Variants in CRHR2 observed in about 807,000 individuals in gnomAD.
CRHR2 encodes the protein corticotropin-releasing hormone receptor 2.
In CRHR2, 53 loss-of-function variants were observed where a neutral mutation model predicts 57.9. That is an observed-to-expected ratio of 0.92 (90% CI 0.73 to 1.15). The LOEUF is 1.15. CRHR2 is among the 50% of genes most tolerant of loss of function. The pLI, the probability that CRHR2 is intolerant of heterozygous loss-of-function variation, is 0.00. For synonymous variants in CRHR2, 213 were observed against 220.9 expected (o/e 0.96, Z 0.32); for missense variants, 532 against 542.6 (o/e 0.98, Z 0.19).
intron 2 of CRHR2, among the ~76,000 whole-genome samples, chr7:30,677,778 A>G (rs940181623): frequency 2.0e-5 from 3 of 152,040 alleles, no homozygotes; most frequent in Non-Finnish European, 4.4e-5. Context: ...GAAGCTTAAG[A>G]CTCCAGGTTG....
At chr7:30,655,760 A>G (rs764317327) in intron 9 of CRHR2, 45 bp from the exon 10 acceptor site, 2 of 1,601,322 alleles carry the variant, frequency 1.2e-6, no homozygotes, top group Non-Finnish European at 1.7e-6. Context: ...TGCGGCAGGC[A>G]GGGCCTCACC....
chr7:30,657,477 G>T (rs1425957289), intron 8 of CRHR2, among the ~76,000 whole-genome samples: 2 of 152,150 alleles, frequency 1.3e-5, no homozygotes, highest in African/African-American at 4.8e-5. Context: ...TATTCCCCTG[G>T]ATCATGGGAC....
intron 10 of CRHR2, 122 bp from the exon 11 acceptor site, chr7:30,655,202 T>G (rs1783736155): frequency 9.0e-7 from 1 of 1,116,268 alleles, no homozygotes; most frequent in African/African-American, 1.6e-5. Flanking sequence ...ACCCCTGGAG[T>G]CAGAGCTGGG....
upstream of CRHR2, among the ~76,000 whole-genome samples, chr7:30,687,108 T>C (rs376379421): frequency 6.6e-4 from 100 of 152,314 alleles, no homozygotes; most frequent in South Asian, 0.02. Flanking sequence ...CACAGGTATG[T>C]ACATCTAAAA....
At chr7:30,669,084 C>T (rs190970758) in intron 2 of CRHR2, among the ~76,000 whole-genome samples, 2 of 152,176 alleles carry the variant, frequency 1.3e-5, no homozygotes, top group African/African-American at 4.8e-5. Context: ...AACAGTCCCT[C>T]CCTGATGGGG....
rs541183946 is a variant in CRHR2 at position 30,656,836 on chromosome 7, G to C, written c.832-824C>G. 1.3e-5 allele frequency among the ~76,000 whole-genome samples: 2 copies of C among 152,232 alleles called. No homozygotes were observed. Among genetic ancestry groups the C allele is most frequent in the East Asian group, 3.9e-4 (2 of 5,174 alleles). On this transcript the variant is annotated intron_variant, in intron 8 of 11. Transcript: ENST00000471646. This position sits in a 1 kb window ranked among gnomAD's most constrained non-coding sequence, Gnocchi z 4.4. ...CTGGGAGCTGCAGTGTGGGTCTGTG[G>C]GTCTATCCTTTAAGCACTTGTGCAA...
intron 2 of CRHR2, 100 bp downstream of exon 2, chr7:30,681,815 C>T: frequency 6.9e-7 from 1 of 1,454,574 alleles, no homozygotes; most frequent in Non-Finnish European, 9.0e-7. Flanking sequence ...CCGCGGCCGT[C>T]AGCAGCTTTG....
At chr7:30,691,476 G>A (rs753456554) in intron 1 of CRHR2, among the ~76,000 whole-genome samples, 40 of 152,326 alleles carry the variant, frequency 2.6e-4, no homozygotes, top group African/African-American at 9.4e-4. Context: ...TTGAACCCAT[G>A]ATGGGGTCAG....
rs78819491 is a variant in CRHR2, at chr7:30,663,480, G to C, written c.544-633C>G. Among the ~76,000 whole-genome samples the C allele has an allele frequency of 9.0e-4, 137 of 152,320 alleles. 3 individuals carry two copies. The East Asian group carries it at 0.025, about 28-fold the overall frequency. On this transcript the variant is annotated intron_variant, in intron 5 of 11. Coordinates refer to ENST00000471646, the MANE Select transcript of CRHR2 (RefSeq NM_001883.5). The stretch of plus-strand genomic sequence containing the variant: ...TCAAAAAGTAACCCTGCCTTCCAGG[G>C]TGGTTGAAGGAGATAGAGGATGGCA...
chr7:30,667,897 T>C (rs1053334083), intron 2 of CRHR2, among the ~76,000 whole-genome samples: 1 of 152,178 alleles, frequency 6.6e-6, no homozygotes, highest in Non-Finnish European at 1.5e-5. Flanking sequence ...TGGCCAAGGA[T>C]ACAAAGATGA....
intron 1 of CRHR2, among the ~76,000 whole-genome samples, chr7:30,689,806 C>T (rs1784925668): frequency 6.6e-6 from 1 of 152,192 alleles, no homozygotes; most frequent in African/African-American, 2.4e-5. Flanking sequence ...CCCTGTCACA[C>T]AGGTAAGCAG....
At chr7:30,696,063 G>T (rs149484974) in intron 1 of CRHR2, among the ~76,000 whole-genome samples, 2 of 152,144 alleles carry the variant, frequency 1.3e-5, no homozygotes, top group Non-Finnish European at 2.9e-5. Context: ...GACAAACATC[G>T]CATGTTATCA....
intron 11 of CRHR2, chr7:30,654,597 C>T (rs3779251): frequency 9.3e-5 from 123 of 1,327,386 alleles, no homozygotes; most frequent in Non-Finnish European, 1.1e-4. Context: ...GCTTCACGGC[C>T]GCCTGACTCC....
intron 2 of CRHR2, among the ~76,000 whole-genome samples, chr7:30,675,226 C>T (rs1191979964): frequency 6.6e-6 from 1 of 152,188 alleles, no homozygotes; most frequent in Non-Finnish European, 1.5e-5. Context: ...TACCTGGGGC[C>T]CAGCCAAGAA....
chr7:30,689,254 G>A (rs1784912614), exon 2 of CRHR2: 1 of 1,550,368 alleles, frequency 6.5e-7, no homozygotes, highest in South Asian at 1.2e-5. Flanking sequence ...CACAGGGGCT[G>A]GTCTTTGGGC....
At chr7:30,663,386 T>G (rs1408467509) in intron 5 of CRHR2, among the ~76,000 whole-genome samples, 1 of 152,086 alleles carries the variant, frequency 6.6e-6, no homozygotes, top group Non-Finnish European at 1.5e-5. Flanking sequence ...TTGGCACAAT[T>G]ATTACTAGCT....
At position 30,665,727 on chromosome 7, in the gene CRHR2, C is replaced by A; in HGVS notation, c.316-88G>T. ...TTCCAGCCGTGGCCACCTCTGTGTC[C>A]TGACCTTGGGGGCAGAAGTGCTCCA... is the stretch of plus-strand genomic sequence containing the variant. On this transcript the variant is annotated intron_variant, in intron 3 of 11. Coordinates refer to ENST00000471646, the MANE Select transcript of CRHR2 (RefSeq NM_001883.5). This position sits in a 1 kb window ranked among gnomAD's most constrained non-coding sequence, Gnocchi z 4.5. 8.8e-7 allele frequency: 1 copy of A among 1,133,184 alleles called. No individual in the cohort carries two copies. The allele number at this position is 1,133,184 out of a possible 1,614,324, so 70.2% of individuals were successfully genotyped here.
intron 2 of CRHR2, among the ~76,000 whole-genome samples, chr7:30,678,857 T>C (rs1784605246): frequency 6.6e-6 from 1 of 152,174 alleles, no homozygotes. Flanking sequence ...CAGCCTGCGG[T>C]CTACCTGGGT....
In CRHR2 at chr7:30,653,628, CT is replaced by C. The variant is rs1226757706; in HGVS notation, c.1096-29del. On this transcript the variant is annotated intron_variant, in intron 11 of 11. Coordinates refer to ENST00000471646, the MANE Select transcript of CRHR2 (RefSeq NM_001883.5). The surrounding 1 kb of genome is among the most constrained non-coding windows in gnomAD (Gnocchi z 5.0). ...GTGGGGAAGGCAGAGGCTCAGCTGGCTCCCAGGGACCAACCCTGGGCTTCTG... is the reference window on the plus strand; with the variant it reads ...GTGGGGAAGGCAGAGGCTCAGCTGGCCCCAGGGACCAACCCTGGGCTTCTG... 1 of 1,589,646 alleles carries C rather than the reference CT, an allele frequency of 6.3e-7. No individual in the cohort carries two copies. Among genetic ancestry groups the C allele is most frequent in the Non-Finnish European group, 8.5e-7 (1 of 1,171,882 alleles).
Sources: gnomAD v4.1 joint callset for allele counts (sites outside exome capture counted in the v4.1 genomes callset) on GRCh38, gnomAD v4.1.1 for gene constraint, Gnocchi (gnomAD v3.1) non-coding constraint, MANE v1.5 for transcripts, NCBI Gene and HGNC (gene_info 2026-07-23, HGNC 2026-07-21) for gene names.